Variants in COPS2 observed in about 807,000 individuals in gnomAD.
The protein encoded by COPS2 is COP9 signalosome subunit 2.
COPS2 carries 10 observed loss-of-function variants against 66.1 expected under a neutral mutation model. The observed-to-expected ratio is 0.15, with a 90% CI of 0.09 to 0.26. The LOEUF (loss-of-function observed/expected upper bound fraction) is 0.26, where lower values mean the gene tolerates loss of function less well. Ranked by LOEUF, COPS2 falls within the 10% of genes least tolerant of loss-of-function variation. The pLI is 1.00. For missense variants in COPS2, 215 were observed against 513.3 expected (o/e 0.42, Z 5.62); for synonymous variants, 179 against 171.3 (o/e 1.04, Z -0.35).
intron 10 of COPS2, 32 bp downstream of exon 10, chr15:49,130,687 G>T: frequency 7.7e-7 from 1 of 1,302,672 alleles, no homozygotes; most frequent in South Asian, 1.3e-5. Flanking sequence ...GGCAAAGAAA[G>T]TAATAGAATC....
At chr15:49,140,484 A>T (rs776806122) in intron 3 of COPS2, among the ~76,000 whole-genome samples, 20 of 152,156 alleles carry the variant, frequency 1.3e-4, no homozygotes, top group Non-Finnish European at 2.5e-4. Flanking sequence ...TACTCGTTTC[A>T]AGTCAAGAAA....
In COPS2 at chr15:49,141,668, A is replaced by G. The variant is rs113526696; in HGVS notation, c.247-2015T>C. Among the ~76,000 whole-genome samples, 83 of 152,290 alleles carry G rather than the reference A, an allele frequency of 5.5e-4. 1 individual carries two copies. The highest frequency in any genetic ancestry group is 1.9e-3 in the African/African-American group (79 of 41,570). On this transcript the variant is annotated intron_variant, in intron 3 of 12. Transcript: ENST00000388901. ...TCCAACTTTTTACTATAAAATCACC[A>G]CACATAACATAGCTCCTACTCTGAG...
At chr15:49,142,929 G>A (rs1414497860) in intron 3 of COPS2, among the ~76,000 whole-genome samples, 9 of 152,064 alleles carry the variant, frequency 5.9e-5, no homozygotes, top group Admixed American at 3.9e-4. Context: ...CTTGGGGGGA[G>A]GGGTGGGGTG....
At chr15:49,152,598 G>C (rs1280780398) in intron 1 of COPS2, among the ~76,000 whole-genome samples, 1 of 152,188 alleles carries the variant, frequency 6.6e-6, no homozygotes, top group African/African-American at 2.4e-5. Flanking sequence ...GAGGAGGGCA[G>C]ATCACTTGAG....
intron 4 of COPS2, among the ~76,000 whole-genome samples, chr15:49,138,231 T>C (rs1240872933): frequency 6.6e-6 from 1 of 152,156 alleles, no homozygotes; most frequent in Non-Finnish European, 1.5e-5. Context: ...TTCCCCCCGC[T>C]TCTGGCTTTG....
chr15:49,150,249 A>C (rs1440238918), intron 1 of COPS2, among the ~76,000 whole-genome samples: 1 of 50,552 alleles, frequency 2.0e-5, no homozygotes, highest in Non-Finnish European at 4.5e-5. Flanking sequence ...CTCTATCTCA[A>C]AAAAAAAAAA....
At chr15:49,152,980 T>C (rs551119300) in intron 1 of COPS2, among the ~76,000 whole-genome samples, 10 of 152,298 alleles carry the variant, frequency 6.6e-5, no homozygotes, top group African/African-American at 2.4e-4. Context: ...ACAAAAAGAT[T>C]CTCACTGCTA....
chr15:49,137,331 A>G lies in COPS2; in HGVS notation c.462+17T>C, dbSNP rs1482511237. On this transcript the variant is annotated intron_variant, in intron 5 of 12. Transcript: ENST00000388901. Reference sequence around the variant, plus strand: ...ACCCACTTTTCAAAAGAAAAGTGTAAGTATTATAACGGTTACCTTTGTGTT... The same window carrying G: ...ACCCACTTTTCAAAAGAAAAGTGTAGGTATTATAACGGTTACCTTTGTGTT... The G allele has an allele frequency of 6.4e-7, 1 of 1,574,276 alleles. No homozygotes were observed. Among genetic ancestry groups the G allele is most frequent in the Non-Finnish European group, 8.7e-7 (1 of 1,147,870 alleles).
At chr15:49,139,058 C>T (rs997543052) in intron 4 of COPS2, among the ~76,000 whole-genome samples, 2 of 152,120 alleles carry the variant, frequency 1.3e-5, no homozygotes, top group African/African-American at 4.8e-5. Flanking sequence ...TTTCATTATC[C>T]ACCCATCCTT....
chr15:49,151,391 C>G (rs1049075119), intron 1 of COPS2, among the ~76,000 whole-genome samples: 1 of 135,404 alleles, frequency 7.4e-6, no homozygotes, highest in Non-Finnish European at 1.6e-5. Flanking sequence ...AAGAGCACAA[C>G]TCTGTCTCAA....
chr15:49,137,292 T>C (rs1566883471), intron 5 of COPS2, 56 bp downstream of exon 5: 9 of 1,535,772 alleles, frequency 5.9e-6, no homozygotes, highest in Non-Finnish European at 8.0e-6. Context: ...TAGGAGACTT[T>C]ATTAAAAACA....
intron 1 of COPS2, among the ~76,000 whole-genome samples, chr15:49,147,623 G>A (rs1184444582): frequency 6.7e-6 from 1 of 148,746 alleles, no homozygotes; most frequent in Non-Finnish European, 1.5e-5. Flanking sequence ...ACAGTGTCTT[G>A]TCATTCAGTC....
At position 49,125,025 on chromosome 15, in the gene COPS2, T is replaced by C. The variant is rs1328700226; in HGVS notation, c.*2925A>G. ...TTAAAAAAGAAAATTTCCCACAAAA[T>C]TTCTACCATCATGGATATTTTAAAT... On this transcript the variant is annotated 3_prime_UTR_variant, in exon 13 of 13. Transcript: ENST00000388901. The C allele has an allele frequency of 6.6e-6, 1 of 152,120 alleles. No homozygotes were observed. The highest frequency in any genetic ancestry group is 1.5e-5 in the Non-Finnish European group (1 of 68,010). 9.4% of individuals were successfully genotyped at this position (152,120 alleles called of 1,614,324 possible).
intron 3 of COPS2, among the ~76,000 whole-genome samples, chr15:49,142,034 T>A (rs1483123635): frequency 6.6e-6 from 1 of 152,168 alleles, no homozygotes; most frequent in Non-Finnish European, 1.5e-5. Context: ...CAAATTTCTG[T>A]CCCTTGAAAC....
At position 49,122,909 on chromosome 15, in the gene COPS2, T is replaced by C. The variant is rs2141118575; in HGVS notation, c.*5041A>G. 1 of 152,332 alleles carries C rather than the reference T, an allele frequency of 6.6e-6. No individual in the cohort carries two copies. The highest frequency in any genetic ancestry group is 1.5e-5 in the Non-Finnish European group (1 of 68,004). The allele number at this position is 152,332 out of a possible 1,614,324, so 9.4% of individuals were successfully genotyped here. A position where few individuals can be genotyped will look rare whatever the true frequency, so the allele number is the denominator to read the frequency against. On this transcript the variant is annotated 3_prime_UTR_variant, in exon 13 of 13. Coordinates refer to ENST00000388901, the MANE Select transcript of COPS2 (RefSeq NM_004236.4). The stretch of plus-strand genomic sequence containing the variant: ...TCCTGTTACATTCCTAATCACCTAC[T>C]ACTTCCTTCCCACCTAGTGTTAGCT...
At position 49,128,017 on chromosome 15, in the gene COPS2, G is replaced by A; in HGVS notation, c.1265C>T (p.Thr422Ile). 2.5e-6 allele frequency: 4 copies of A among 1,613,800 alleles called. No homozygotes were observed. The highest frequency in any genetic ancestry group is 3.4e-6 in the Non-Finnish European group (4 of 1,179,754). ...TTGGTTGGTCCATTTATCTAGTGCA[G>A]TATATCGTGCACCACCCCTCTTCTG... ...DHQKRGGARYTALDKWTNQLN... is the reference protein window; with the variant it reads ...DHQKRGGARYIALDKWTNQLN... The change falls in exon 13 of 13, where the codon ACT (threonine) becomes ATT (isoleucine). Residue 422 changes from threonine (T) to isoleucine (I), a missense_variant. Thr to Ile is a moderately conservative substitution (Grantham distance 89). Transcript: ENST00000388901.
intron 1 of COPS2, among the ~76,000 whole-genome samples, chr15:49,154,931 T>C (rs1566888411): frequency 6.6e-6 from 1 of 152,212 alleles, no homozygotes; most frequent in Non-Finnish European, 1.5e-5. Flanking sequence ...GTGGTTCGAC[T>C]ACCTTTTTTT....
intron 3 of COPS2, among the ~76,000 whole-genome samples, chr15:49,143,267 A>T (rs760925980): frequency 1.2e-4 from 19 of 152,206 alleles, no homozygotes; most frequent in Non-Finnish European, 2.2e-4. Context: ...AGGGATCTGT[A>T]GGTCATGGTA....
intron 9 of COPS2, among the ~76,000 whole-genome samples, chr15:49,133,301 C>T (rs72727218): frequency 0.052 from 7,868 of 152,164 alleles, 295 homozygotes; most frequent in East Asian, 0.15. Flanking sequence ...CCATTGTAAA[C>T]ATTTTTAAAA....
Sources: gnomAD v4.1 joint callset for allele counts (sites outside exome capture counted in the v4.1 genomes callset) on GRCh38, gnomAD v4.1.1 for gene constraint, MANE v1.5 for transcripts, NCBI Gene and HGNC (gene_info 2026-07-23, HGNC 2026-07-21) for gene names.